Variants in BNC2 observed in about 807,000 individuals in gnomAD.
The protein encoded by BNC2 is zinc finger protein basonuclin-2.
In BNC2, 20 loss-of-function variants were observed where a neutral mutation model predicts 76.3. The observed-to-expected ratio is 0.26, with a 90% CI of 0.18 to 0.38. BNC2 has a LOEUF of 0.38. Among genes scored for constraint, BNC2 ranks in the 10% least tolerant of loss-of-function variants. The pLI is 1.00. For synonymous variants in BNC2, 582 were observed against 514.8 expected, an observed-to-expected ratio of 1.13 and a Z score of -1.77; for missense variants, 1,382 against 1,399.8, an observed-to-expected ratio of 0.99 and a Z score of 0.20.
chr9:16,826,421 AC>A (rs1163062741), intron 1 of BNC2, among the ~76,000 whole-genome samples: 5 of 152,084 alleles, frequency 3.3e-5, no homozygotes, highest in Non-Finnish European at 5.9e-5. Flanking sequence ...AACTGAGAAA[AC>A]CCTCTAAGTT....
chr9:16,515,299 G>A (rs76982071), intron 5 of BNC2, among the ~76,000 whole-genome samples: 2,893 of 152,248 alleles, frequency 0.019, 90 homozygotes, highest in South Asian at 0.13. Context: ...GCATCCCTGC[G>A]CCCGGTGAGA....
intron 3 of BNC2, among the ~76,000 whole-genome samples, chr9:16,696,393 C>T (rs1823338966): frequency 6.6e-6 from 1 of 152,220 alleles, no homozygotes; most frequent in East Asian, 1.9e-4. Flanking sequence ...TGAAATAGTT[C>T]TCATGCTGCT....
chr9:16,785,579 G>C (rs1248010292), intron 1 of BNC2, among the ~76,000 whole-genome samples: 1 of 103,728 alleles, frequency 9.6e-6, no homozygotes, highest in Non-Finnish European at 1.9e-5. Context: ...TTTTTTTTTA[G>C]TAGAGGTGAG....
intron 1 of BNC2, among the ~76,000 whole-genome samples, chr9:16,861,454 A>C (rs1300118892): frequency 6.6e-6 from 1 of 152,040 alleles, no homozygotes; most frequent in Non-Finnish European, 1.5e-5. Context: ...AGAATATATA[A>C]ACAGCACTTA....
At chr9:16,791,285 TCTC>T (rs1817504469) in intron 1 of BNC2, among the ~76,000 whole-genome samples, 1 of 151,988 alleles carries the variant, frequency 6.6e-6, no homozygotes, top group Non-Finnish European at 1.5e-5. Context: ...ATGGTCTCGA[TCTC>T]CTGACATCGT....
chr9:16,744,125 C>A (rs890932911), intron 1 of BNC2, among the ~76,000 whole-genome samples: 6 of 151,926 alleles, frequency 3.9e-5, no homozygotes, highest in African/African-American at 1.2e-4. Context: ...TGCCACCACG[C>A]CCGGCTAATT....
At chr9:16,632,279 G>C (rs1821184435) in intron 3 of BNC2, among the ~76,000 whole-genome samples, 1 of 152,092 alleles carries the variant, frequency 6.6e-6, no homozygotes, top group South Asian at 2.1e-4. Flanking sequence ...CTCAGGATCA[G>C]ACAGTCTTGC....
At chr9:16,718,393 A>G (rs1365051458) in intron 3 of BNC2, among the ~76,000 whole-genome samples, 2 of 152,220 alleles carry the variant, frequency 1.3e-5, no homozygotes, top group African/African-American at 2.4e-5. Context: ...CTCCACAATG[A>G]AGAGTATTTA....
chr9:16,546,325 C>G (rs1818481588), intron 5 of BNC2, among the ~76,000 whole-genome samples: 2 of 152,158 alleles, frequency 1.3e-5, no homozygotes, highest in African/African-American at 4.8e-5. Context: ...ATGGCAAAGT[C>G]TTCCAGATTT....
intron 3 of BNC2, among the ~76,000 whole-genome samples, chr9:16,610,429 A>G (rs1264751722): frequency 6.6e-6 from 1 of 152,192 alleles, no homozygotes. Context: ...TATGACAAGA[A>G]AGCAGACTAC....
At chr9:16,451,254 T>C (rs1475244806) in intron 5 of BNC2, among the ~76,000 whole-genome samples, 3 of 151,964 alleles carry the variant, frequency 2.0e-5, no homozygotes, top group African/African-American at 7.3e-5. Flanking sequence ...GTTACAGAAA[T>C]GGGGGCAATC....
At chr9:16,788,733 T>C (rs529966908) in intron 1 of BNC2, among the ~76,000 whole-genome samples, 1 of 152,068 alleles carries the variant, frequency 6.6e-6, no homozygotes, top group South Asian at 2.1e-4. Flanking sequence ...CTGGCAAAGA[T>C]CAGAGGATAA....
intron 3 of BNC2, 178 bp downstream of exon 3, chr9:16,727,618 AC>A (rs767325180): frequency 2.3e-5 from 14 of 617,038 alleles, no homozygotes; most frequent in African/African-American, 3.7e-5. Context: ...CCTTAGGGAA[AC>A]CATGAAGTAA....
chr9:16,711,331 T>G (rs1376845684), intron 3 of BNC2, among the ~76,000 whole-genome samples: 1 of 152,134 alleles, frequency 6.6e-6, no homozygotes, highest in Non-Finnish European at 1.5e-5. Context: ...TTGATTTGGG[T>G]TGTATTAACT....
chr9:16,433,593 C>T (rs1304630197), intron 6 of BNC2, among the ~76,000 whole-genome samples: 1 of 152,198 alleles, frequency 6.6e-6, no homozygotes, highest in Non-Finnish European at 1.5e-5. Flanking sequence ...TGTTTTTCCT[C>T]AGATAAACCA....
chr9:16,851,514 A>G (rs1456646732), intron 1 of BNC2, among the ~76,000 whole-genome samples: 1 of 152,220 alleles, frequency 6.6e-6, no homozygotes, highest in African/African-American at 2.4e-5. Flanking sequence ...TCAAAAAAAT[A>G]AAAATAAAAT....
intron 1 of BNC2, among the ~76,000 whole-genome samples, chr9:16,779,016 T>C (rs1826044374): frequency 6.7e-6 from 1 of 150,280 alleles, no homozygotes; most frequent in African/African-American, 2.4e-5. Context: ...GTCAGACTCC[T>C]GCCTGTAATC....
chr9:16,511,436 T>C (rs966202128), intron 5 of BNC2, among the ~76,000 whole-genome samples: 10 of 145,336 alleles, frequency 6.9e-5, no homozygotes, highest in Non-Finnish European at 1.2e-4. Context: ...TTTTTTTTTT[T>C]TTTTTTTTTG....
chr9:16,659,820 C>A (rs1487173801), intron 3 of BNC2, among the ~76,000 whole-genome samples: 1 of 152,134 alleles, frequency 6.6e-6, no homozygotes, highest in East Asian at 1.9e-4. Flanking sequence ...TTCCCATCCC[C>A]TTATTCTCTG....
Sources: gnomAD v4.1 joint callset for allele counts (sites outside exome capture counted in the v4.1 genomes callset) on GRCh38, gnomAD v4.1.1 for gene constraint, MANE v1.5 for transcripts, NCBI Gene and HGNC (gene_info 2026-07-23, HGNC 2026-07-21) for gene names.